The following NUB1 variants were observed in gnomAD, a reference collection of about 807,000 sequenced individuals.
NUB1 encodes NEDD8 ultimate buster 1.
A neutral mutation model predicts 77.1 loss-of-function variants in NUB1; 41 were observed. That is an observed-to-expected ratio of 0.53 (90% CI 0.41 to 0.69). NUB1 has a LOEUF of 0.69. Among genes scored for constraint, NUB1 ranks in the 30% least tolerant of loss-of-function variants. The pLI, the probability that NUB1 is intolerant of heterozygous loss-of-function variation, is 0.00. For missense variants in NUB1, 643 were observed against 743.8 expected, an observed-to-expected ratio of 0.86 and a Z score of 1.58; for synonymous variants, 257 against 281.0, an observed-to-expected ratio of 0.91 and a Z score of 0.85.
chr7:151,364,231 C>A (rs1797530266), intron 8 of NUB1, among the ~76,000 whole-genome samples: 1 of 150,682 alleles, frequency 6.6e-6, no homozygotes, highest in South Asian at 2.1e-4. Context: ...ACCATCCTGG[C>A]TAACAGGGCG....
chr7:151,344,180 C>CAAAAAAAAAAAAAAAAAAAA (rs561127147), intron 1 of NUB1, among the ~76,000 whole-genome samples: 2 of 45,644 alleles, frequency 4.4e-5, no homozygotes, highest in Non-Finnish European at 5.6e-5. Context: ...GACTCCCTCT[C>CAAAAAAAAAAAAAAAAAAAA]AAAAAAAAAA....
rs188631476 is a variant in NUB1 at position 151,359,516 on chromosome 7, C to T, written c.694-625C>T. 3.8e-4 allele frequency among the ~76,000 whole-genome samples: 57 copies of T among 149,522 alleles called. No homozygotes were observed. The East Asian group carries it at 8.7e-3, about 23-fold the overall frequency. ...ACAAGCAGCCGGGCACCGTGGCTCACGCCTGTAATCCCAGCATTTTGGGAG... is the reference window on the plus strand; with the variant it reads ...ACAAGCAGCCGGGCACCGTGGCTCATGCCTGTAATCCCAGCATTTTGGGAG... On this transcript the variant is annotated intron_variant, in intron 7 of 14. Transcript: ENST00000568733.
chr7:151,371,085 C>T (rs747542758), intron 11 of NUB1, among the ~76,000 whole-genome samples: 15 of 152,038 alleles, frequency 9.9e-5, no homozygotes, highest in Non-Finnish European at 2.1e-4. Flanking sequence ...GTTAAAAGCC[C>T]TTGGAGAAAA....
chr7:151,373,398 G>C (rs1322623998), intron 11 of NUB1, among the ~76,000 whole-genome samples: 2 of 152,218 alleles, frequency 1.3e-5, no homozygotes, highest in Non-Finnish European at 2.9e-5. Flanking sequence ...GAACTCTCCT[G>C]ATTGGCCCTG....
At chr7:151,368,703 G>A in intron 10 of NUB1, 32 bp from the exon 11 acceptor site, 1 of 1,574,598 alleles carries the variant, frequency 6.4e-7, no homozygotes, top group Non-Finnish European at 8.6e-7. Flanking sequence ...TATTGCCGTG[G>A]TTACATGATT....
intron 1 of NUB1, 151 bp from the exon 2 acceptor site, chr7:151,345,197 A>G (rs12703118): frequency 0.06 from 26,992 of 450,772 alleles, 2,586 homozygotes; most frequent in East Asian, 0.38. Flanking sequence ...TTTTTAGAGA[A>G]GTCTGGAGCT....
intron 1 of NUB1, among the ~76,000 whole-genome samples, chr7:151,343,524 A>G (rs971194019): frequency 2.6e-5 from 4 of 152,210 alleles, no homozygotes; most frequent in Admixed American, 6.5e-5. Context: ...ACTTGTCTTC[A>G]TCATTCAGGG....
intron 2 of NUB1, 65 bp from the exon 3 acceptor site, chr7:151,349,008 C>T: frequency 6.8e-7 from 1 of 1,475,174 alleles, no homozygotes; most frequent in South Asian, 1.2e-5. Flanking sequence ...GTCTTTCATG[C>T]CCTTTTCTAT....
intron 8 of NUB1, among the ~76,000 whole-genome samples, chr7:151,365,904 C>A (rs896557542): frequency 6.7e-6 from 1 of 148,266 alleles, no homozygotes; most frequent in Non-Finnish European, 1.5e-5. Flanking sequence ...TTTTTTTATT[C>A]CATGCATATT....
intron 13 of NUB1, 105 bp downstream of exon 13, chr7:151,376,048 A>G: frequency 1.3e-6 from 1 of 765,244 alleles, no homozygotes. Flanking sequence ...CCGTGCTGAA[A>G]CCTTGGCTCC....
chr7:151,343,964 A>G (rs1299445295), intron 1 of NUB1, among the ~76,000 whole-genome samples: 3 of 151,700 alleles, frequency 2.0e-5, no homozygotes, highest in Non-Finnish European at 2.9e-5. Context: ...GGCGGATCAC[A>G]AGGTCAGGAG....
At chr7:151,370,677 A>G (rs933008781) in intron 11 of NUB1, among the ~76,000 whole-genome samples, 3 of 148,164 alleles carry the variant, frequency 2.0e-5, no homozygotes, top group Non-Finnish European at 4.5e-5. Flanking sequence ...ATATCTCCTA[A>G]AGCTATCCCT....
At chr7:151,353,185 A>G (rs1796899224) in intron 5 of NUB1, among the ~76,000 whole-genome samples, 1 of 152,174 alleles carries the variant, frequency 6.6e-6, no homozygotes, top group Admixed American at 6.5e-5. Flanking sequence ...TTCTTGAAGG[A>G]GAAGAGCTAA....
chr7:151,362,260 C>T (rs1797412880), intron 8 of NUB1, among the ~76,000 whole-genome samples: 1 of 151,880 alleles, frequency 6.6e-6, no homozygotes, highest in South Asian at 2.1e-4. Flanking sequence ...TCCTGGGCAT[C>T]TATTTATCCT....
Position 151,351,467 on chromosome 7 carries a change from G to C in NUB1, c.329G>C (p.Arg110Thr), listed in dbSNP as rs1796791947. ...LLETRLHITG[R>T]ELRSKIAETF... ...GAGACCCGATTGCACATCACTGGCA[G>C]AGAACTGAGGTCCAAGTAAGTATCT... is the stretch of plus-strand genomic sequence containing the variant. Residue 110 changes from arginine (R) to threonine (T), a missense_variant, in exon 4 of 15, where the codon AGA becomes ACA. Coordinates refer to ENST00000568733, the MANE Select transcript of NUB1 (RefSeq NM_001243351.2). 1.2e-6 allele frequency: 2 copies of C among 1,612,994 alleles called. No homozygotes were observed.
chr7:151,345,255 T>G, intron 1 of NUB1, 93 bp from the exon 2 acceptor site: 1 of 746,692 alleles, frequency 1.3e-6, no homozygotes, highest in Non-Finnish European at 2.3e-6. Context: ...AAGGGAGCTT[T>G]GCTTACCCAA....
At chr7:151,351,596 A>G (rs1338068938) in intron 4 of NUB1, 114 bp downstream of exon 4, 22 of 734,688 alleles carry the variant, frequency 3.0e-5, no homozygotes, top group African/African-American at 5.4e-5. Flanking sequence ...TCTTCATTTT[A>G]TAAAAGAGAA....
In NUB1 at chr7:151,367,018, C is replaced by T. The variant is rs186127896; in HGVS notation, c.880C>T (p.Leu294=). The T allele has an allele frequency of 3.5e-5, 56 of 1,613,864 alleles. No homozygotes were observed. The highest frequency in any genetic ancestry group is 5.3e-5 in the African/African-American group (4 of 75,036). Residue 294 remains leucine (L), a synonymous_variant, in exon 9 of 15, where the codon CTG becomes TTG. Transcript: ENST00000568733. ...QLDIVWCYFR[L]EQLECLDDAE... ...GGATATAGTGTGGTGTTACTTCCGC[C>T]TGGAACAGCTGGAATGCCTTGATGA...
rs376686919 is a variant in NUB1 at position 151,355,928 on chromosome 7, A to T, written c.576A>T (p.Gly192=). The change falls in exon 6 of 15, where the codon GGA becomes GGT. Residue 192 remains glycine (G), a synonymous_variant. Transcript: ENST00000568733. ...AACAAATTCAGAGGACCAAGAGAGGACTAGAAATACTGGCAAAGAGAGGTA... is the reference window on the plus strand; with the variant it reads ...AACAAATTCAGAGGACCAAGAGAGGTCTAGAAATACTGGCAAAGAGAGGTA... The part of the protein sequence containing the change: ...KEKQIQRTKR[G]LEILAKRAAE... 9.9e-6 allele frequency: 16 copies of T among 1,613,752 alleles called. No homozygotes were observed. The African/African-American group carries it at 2.1e-4, about 22-fold the overall frequency.
Sources: gnomAD v4.1 joint callset for allele counts (sites outside exome capture counted in the v4.1 genomes callset) on GRCh38, gnomAD v4.1.1 for gene constraint, MANE v1.5 for transcripts, NCBI Gene and HGNC (gene_info 2026-07-23, HGNC 2026-07-21) for gene names.